Variants in ERC2 observed in about 807,000 individuals in gnomAD.
ERC2 encodes ERC protein 2.
In ERC2, 42 loss-of-function variants were observed where a neutral mutation model predicts 114.8. The ratio of observed to expected loss-of-function variants is 0.37; its 90% CI spans 0.29 to 0.47. ERC2 has a LOEUF of 0.47. Ranked by LOEUF, ERC2 falls within the 20% of genes least tolerant of loss-of-function variation. ERC2 has a pLI of 0.99. For synonymous variants in ERC2, 454 were observed against 425.5 expected (o/e 1.07, Z -0.82); for missense variants, 939 against 1,150.7 (o/e 0.82, Z 2.66).
intron 7 of ERC2, among the ~76,000 whole-genome samples, chr3:56,034,942 A>C (rs1198658332): frequency 6.6e-6 from 1 of 152,038 alleles, no homozygotes. Context: ...AACAAACCCA[A>C]AAGTTAGCAG....
At chr3:55,953,035 T>TACAA (rs2067691967) in intron 12 of ERC2, among the ~76,000 whole-genome samples, 1 of 151,454 alleles carries the variant, frequency 6.6e-6, no homozygotes, top group Non-Finnish European at 1.5e-5. Context: ...CTACTAAAAA[T>TACAA]ACAAACAAAC....
At chr3:55,962,801 C>T (rs1471190234) in intron 12 of ERC2, among the ~76,000 whole-genome samples, 1 of 152,226 alleles carries the variant, frequency 6.6e-6, no homozygotes, top group Non-Finnish European at 1.5e-5. Flanking sequence ...AACCTCTATG[C>T]TATGCCAACC....
At chr3:56,377,354 G>T (rs924263898) in intron 2 of ERC2, among the ~76,000 whole-genome samples, 4 of 152,118 alleles carry the variant, frequency 2.6e-5, no homozygotes, top group Admixed American at 2.0e-4. Context: ...TGTCTATAAT[G>T]CAGAGAAAGA....
intron 7 of ERC2, among the ~76,000 whole-genome samples, chr3:56,070,048 G>T (rs1171339834): frequency 6.6e-6 from 1 of 152,072 alleles, no homozygotes; most frequent in Non-Finnish European, 1.5e-5. Context: ...TATACTTATG[G>T]GAAACTAAAA....
intron 7 of ERC2, among the ~76,000 whole-genome samples, chr3:56,036,669 C>A (rs1338660953): frequency 6.6e-6 from 1 of 152,142 alleles, no homozygotes; most frequent in African/African-American, 2.4e-5. Flanking sequence ...CTGCACAGAA[C>A]AAGTGGAGCT....
intron 3 of ERC2, among the ~76,000 whole-genome samples, chr3:56,202,152 A>AC (rs2048444338): frequency 6.6e-6 from 1 of 152,152 alleles, no homozygotes; most frequent in South Asian, 2.1e-4. Context: ...TTCCCTAGTA[A>AC]CCCGTAATAA....
At chr3:56,118,797 C>T (rs940997726) in intron 6 of ERC2, among the ~76,000 whole-genome samples, 26 of 151,906 alleles carry the variant, frequency 1.7e-4, no homozygotes, top group Admixed American at 3.9e-4. Context: ...CCACCACGCC[C>T]GGCTAATTTT....
intron 17 of ERC2, among the ~76,000 whole-genome samples, chr3:55,514,718 C>T (rs781654459): frequency 3.3e-5 from 5 of 152,166 alleles, no homozygotes; most frequent in East Asian, 1.9e-4. Context: ...GCCAAAAACC[C>T]GAAGGAGCTT....
chr3:56,274,822 G>T (rs527717625), intron 3 of ERC2, among the ~76,000 whole-genome samples: 1 of 152,248 alleles, frequency 6.6e-6, no homozygotes, highest in South Asian at 2.1e-4. Flanking sequence ...CATGGTGAGA[G>T]AAAGAAGAAA....
chr3:56,403,098 T>C (rs1363889858), intron 2 of ERC2, among the ~76,000 whole-genome samples: 1 of 152,178 alleles, frequency 6.6e-6, no homozygotes, highest in Non-Finnish European at 1.5e-5. Flanking sequence ...AACCCTCCGT[T>C]CCAATTACAT....
chr3:56,100,000 A>AG (rs2078267794), intron 6 of ERC2, among the ~76,000 whole-genome samples: 1 of 152,136 alleles, frequency 6.6e-6, no homozygotes, highest in East Asian at 1.9e-4. Context: ...AGAAAAAAAA[A>AG]GGACTGAGGG....
intron 14 of ERC2, among the ~76,000 whole-genome samples, chr3:55,744,310 A>G (rs139518016): frequency 2.0e-5 from 3 of 152,332 alleles, no homozygotes; most frequent in Admixed American, 6.5e-5. Context: ...AGGCTGACAC[A>G]GGAGAATCAC....
intron 14 of ERC2, among the ~76,000 whole-genome samples, chr3:55,883,928 C>T (rs1290057899): frequency 3.4e-5 from 5 of 148,618 alleles, no homozygotes; most frequent in Non-Finnish European, 4.4e-5. Context: ...ACAACAACAA[C>T]ACCACAAAAC....
intron 7 of ERC2, among the ~76,000 whole-genome samples, chr3:56,042,045 TCAGA>T (rs2075223602): frequency 6.6e-6 from 1 of 152,160 alleles, no homozygotes; most frequent in Non-Finnish European, 1.5e-5. Flanking sequence ...AGGTTCACAC[TCAGA>T]CAGACTCAAG....
intron 13 of ERC2, among the ~76,000 whole-genome samples, chr3:55,929,290 T>A (rs2065932823): frequency 1.3e-5 from 2 of 152,266 alleles, no homozygotes; most frequent in South Asian, 4.1e-4. Flanking sequence ...ATGTCCACTG[T>A]CTCTGAGTCT....
At chr3:56,091,336 T>C (rs919601829) in intron 6 of ERC2, among the ~76,000 whole-genome samples, 1 of 152,094 alleles carries the variant, frequency 6.6e-6, no homozygotes, top group Non-Finnish European at 1.5e-5. Context: ...CCTGGGTTGC[T>C]AGCTGGAAAA....
chr3:55,864,512 C>T (rs1575915245), intron 14 of ERC2, among the ~76,000 whole-genome samples: 1 of 152,030 alleles, frequency 6.6e-6, no homozygotes, highest in Non-Finnish European at 1.5e-5. Flanking sequence ...TATTTTACAT[C>T]CATGTGCAGC....
chr3:56,332,343 T>C (rs1560609381), intron 2 of ERC2, among the ~76,000 whole-genome samples: 1 of 152,188 alleles, frequency 6.6e-6, no homozygotes, highest in Non-Finnish European at 1.5e-5. Flanking sequence ...ATAACAACAA[T>C]AATAGCAGCT....
intron 14 of ERC2, among the ~76,000 whole-genome samples, chr3:55,864,229 A>G (rs1432288016): frequency 6.8e-6 from 1 of 146,188 alleles, no homozygotes; most frequent in Non-Finnish European, 1.5e-5. Context: ...ACACATATAT[A>G]TGTGTGTGTG....
Sources: allele counts gnomAD v4.1 joint callset (sites outside exome capture counted in the v4.1 genomes callset), GRCh38; gene constraint gnomAD v4.1.1; transcripts MANE v1.5; gene names NCBI Gene and HGNC (gene_info 2026-07-23, HGNC 2026-07-21).